The following UBE2U variants were observed in gnomAD, a reference collection of about 807,000 sequenced individuals.
UBE2U encodes the protein ubiquitin conjugating enzyme E2 U, also known as ubiquitin-conjugating enzyme E2 U.
In UBE2U, 39 loss-of-function variants were observed where a neutral mutation model predicts 41.2. The observed-to-expected ratio is 0.95, with a 90% CI of 0.73 to 1.24. The LOEUF is 1.24. Among genes scored for constraint, UBE2U ranks in the 50% most tolerant of loss-of-function variants. The pLI is 0.00. For synonymous variants in UBE2U, 107 were observed against 117.8 expected (o/e 0.91, Z 0.60); for missense variants, 336 against 363.1 (o/e 0.93, Z 0.61).
At chr1:64,218,161 G>T (rs1291500683) in intron 5 of UBE2U, among the ~76,000 whole-genome samples, 1 of 152,224 alleles carries the variant, frequency 6.6e-6, no homozygotes, top group Non-Finnish European at 1.5e-5. Flanking sequence ...TTGCTTACTT[G>T]TTCAAGAACA....
chr1:64,237,473 G>A (rs1040854016), intron 7 of UBE2U, among the ~76,000 whole-genome samples: 9 of 152,110 alleles, frequency 5.9e-5, no homozygotes, highest in Non-Finnish European at 1.0e-4. Context: ...GAATTTCAAC[G>A]TGCAAAACTT....
At position 64,246,945 on chromosome 1, in the gene UBE2U, A is replaced by G. The variant is rs1387107721; in HGVS notation, c.677+5212A>G. On this transcript the variant is annotated intron_variant, in intron 8 of 9. Transcript: ENST00000371077. ...GCAGGCACCATGTCAGACACTGAGG[A>G]CCTGGGGATGGCCTTGGGGATTGGT... 8.5e-5 allele frequency among the ~76,000 whole-genome samples: 13 copies of G among 152,082 alleles called. 1 individual carries two copies. The highest frequency in any genetic ancestry group is 8.5e-4 in the Admixed American group (13 of 15,256).
chr1:64,216,192 C>T (rs1159679918), intron 5 of UBE2U, among the ~76,000 whole-genome samples: 1 of 152,006 alleles, frequency 6.6e-6, no homozygotes, highest in East Asian at 1.9e-4. Flanking sequence ...TTTTCCAGTA[C>T]CATAGAACTT....
At chr1:64,263,763 C>T (rs1189989532) in intron 9 of UBE2U, among the ~76,000 whole-genome samples, 1 of 152,158 alleles carries the variant, frequency 6.6e-6, no homozygotes, top group Non-Finnish European at 1.5e-5. Flanking sequence ...AAGTTGAGGA[C>T]ATTATGCTTG....
chr1:64,266,991 T>C lies in UBE2U; in HGVS notation c.770-33T>C, dbSNP rs538256235. On this transcript the variant is annotated intron_variant, in intron 9 of 9. Transcript: ENST00000371077. ...TTTATTGTTTTTCTTATTATGTCTA[T>C]TAAATTTCTATTTTTTATAATTCCC... 682 of 1,520,794 alleles carry C rather than the reference T, an allele frequency of 4.5e-4. 7 individuals are homozygous for C. In the South Asian group the frequency reaches 7.9e-3, roughly 18 times the overall value. 94.2% of individuals were successfully genotyped at this position (1,520,794 alleles called of 1,614,324 possible).
At chr1:64,218,504 T>C (rs1023602303) in intron 5 of UBE2U, among the ~76,000 whole-genome samples, 5 of 152,196 alleles carry the variant, frequency 3.3e-5, no homozygotes, top group African/African-American at 1.2e-4. Flanking sequence ...ATGTCCTCTA[T>C]CCCTGAGTGC....
intron 7 of UBE2U, among the ~76,000 whole-genome samples, chr1:64,233,088 A>T (rs1180879399): frequency 2.0e-5 from 3 of 151,866 alleles, no homozygotes; most frequent in African/African-American, 7.3e-5. Flanking sequence ...GCTCACTACA[A>T]GCTCCGCCTC....
chr1:64,229,724 A>T (rs1418851438), intron 6 of UBE2U, among the ~76,000 whole-genome samples: 7 of 152,078 alleles, frequency 4.6e-5, no homozygotes, highest in Non-Finnish European at 1.0e-4. Flanking sequence ...CACTGCCATG[A>T]TTTTCTTCTT....
At position 64,241,660 on chromosome 1, in the gene UBE2U, G is replaced by T; in HGVS notation, c.604G>T (p.Val202Phe). The T allele has an allele frequency of 6.2e-7, 1 of 1,604,958 alleles. No homozygotes were observed. The highest frequency in any genetic ancestry group is 8.5e-7 in the Non-Finnish European group (1 of 1,176,518). The part of the protein sequence containing the change: ...TEYYRTPLLK[V>F]PNFIGQYYKW... ...TAATATTCTAATTTCAGTGCTCAAAGTTCCAAATTTCATTGGACAGTATTA... is the reference window on the plus strand; with the variant it reads ...TAATATTCTAATTTCAGTGCTCAAATTTCCAAATTTCATTGGACAGTATTA... Residue 202 changes from valine to phenylalanine, a missense_variant, in exon 8 of 10, where the codon GTT becomes TTT. Coordinates refer to ENST00000371077, the MANE Select transcript of UBE2U (RefSeq NM_001366232.2).
Position 64,205,963 on chromosome 1 carries a change from C to A in UBE2U, c.148+243C>A, listed in dbSNP as rs149266611. On this transcript the variant is annotated intron_variant, in intron 2 of 9. Transcript: ENST00000371077. The stretch of plus-strand genomic sequence containing the variant: ...TGGGGTATTTTTCTTTATGCCAAAT[C>A]TTAATTTTATTACATTTTTAAGAAG... 7.2e-3 allele frequency among the ~76,000 whole-genome samples: 1,088 copies of A among 152,162 alleles called. 2 individuals carry two copies. Among genetic ancestry groups the A allele is most frequent in the Non-Finnish European group, 0.012 (785 of 67,996 alleles).
intron 6 of UBE2U, among the ~76,000 whole-genome samples, chr1:64,221,409 G>A (rs564921798): frequency 9.2e-5 from 14 of 152,224 alleles, no homozygotes; most frequent in African/African-American, 2.2e-4. Flanking sequence ...CACTGTGCCC[G>A]GCCGATCTTG....
intron 7 of UBE2U, among the ~76,000 whole-genome samples, chr1:64,240,126 G>T (rs2100451174): frequency 6.6e-6 from 1 of 152,316 alleles, no homozygotes; most frequent in Non-Finnish European, 1.5e-5. Context: ...CAGTGGTGAT[G>T]TAATATGAGT....
At chr1:64,241,550 C>T in intron 7 of UBE2U, 102 bp from the exon 8 acceptor site, 1 of 784,044 alleles carries the variant, frequency 1.3e-6, no homozygotes, top group Admixed American at 2.8e-5. Context: ...ATGTTATTGC[C>T]ACATATCAAG....
intron 8 of UBE2U, among the ~76,000 whole-genome samples, chr1:64,252,534 C>T (rs1645028433): frequency 6.6e-6 from 1 of 152,200 alleles, no homozygotes; most frequent in South Asian, 2.1e-4. Flanking sequence ...TAGGATGGAG[C>T]TTCCAGAGAA....
At chr1:64,256,543 T>C (rs1227737476) in intron 8 of UBE2U, among the ~76,000 whole-genome samples, 1 of 152,146 alleles carries the variant, frequency 6.6e-6, no homozygotes, top group Non-Finnish European at 1.5e-5. Context: ...TAATAAATGG[T>C]GCTGGGAAAA....
At chr1:64,239,115 A>AAGGAGAAGGAGAAGGAGAAGGAGAAGG (rs1557729940) in intron 7 of UBE2U, among the ~76,000 whole-genome samples, 1 of 14,892 alleles carries the variant, frequency 6.7e-5, no homozygotes, top group Admixed American at 7.2e-4. Context: ...GAAGAAGAAG[A>AAGGAGAAGGAGAAGGAGAAGGAGAAGG]AGAAGAAGAA....
At chr1:64,212,504 T>C (rs925344135) in intron 4 of UBE2U, among the ~76,000 whole-genome samples, 1 of 152,204 alleles carries the variant, frequency 6.6e-6, no homozygotes, top group Non-Finnish European at 1.5e-5. Flanking sequence ...AATGGGGCTG[T>C]TGTTACCTCA....
At chr1:64,212,528 G>A (rs943383375) in intron 4 of UBE2U, among the ~76,000 whole-genome samples, 2 of 152,128 alleles carry the variant, frequency 1.3e-5, no homozygotes, top group African/African-American at 4.8e-5. Flanking sequence ...AACCTGTGAG[G>A]AGGAAATTAA....
At chr1:64,231,748 T>G (rs1391075378) in intron 6 of UBE2U, among the ~76,000 whole-genome samples, 3 of 152,208 alleles carry the variant, frequency 2.0e-5, no homozygotes, top group South Asian at 2.1e-4. Flanking sequence ...AAAACTTGCT[T>G]CTTCTTCTAA....
Sources: allele counts gnomAD v4.1 joint callset (sites outside exome capture counted in the v4.1 genomes callset), GRCh38; gene constraint gnomAD v4.1.1; transcripts MANE v1.5; gene names NCBI Gene and HGNC (gene_info 2026-07-23, HGNC 2026-07-21).